Variants in PXDNL observed in about 807,000 individuals in gnomAD.
PXDNL encodes probable oxidoreductase PXDNL.
Under a neutral mutation model 150.8 loss-of-function variants are expected in PXDNL, and 145 were observed. The ratio of observed to expected loss-of-function variants is 0.96; its 90% confidence interval spans 0.84 to 1.10. The LOEUF (loss-of-function observed/expected upper bound fraction) is 1.10. Ranked by LOEUF, PXDNL falls within the 50% of genes least tolerant of loss-of-function variation. PXDNL has a pLI of 0.00. For missense variants in PXDNL, 2,087 were observed against 1,873.9 expected, an observed-to-expected ratio of 1.11 and a Z score of -2.10; for synonymous variants, 757 against 725.7, an observed-to-expected ratio of 1.04 and a Z score of -0.69.
intron 17 of PXDNL, among the ~76,000 whole-genome samples, chr8:51,384,149 G>A (rs1398157577): frequency 3.9e-5 from 6 of 152,138 alleles, no homozygotes; most frequent in Non-Finnish European, 8.8e-5. Context: ...AAATATATTT[G>A]AAACATGTCC....
chr8:51,571,688 G>A (rs771939400), intron 3 of PXDNL, among the ~76,000 whole-genome samples: 1 of 151,862 alleles, frequency 6.6e-6, no homozygotes, highest in Non-Finnish European at 1.5e-5. Context: ...CCAAAAGCAT[G>A]TTAAGCTCAA....
In PXDNL at chr8:51,640,458, T is replaced by C. The variant is rs186230897; in HGVS notation, c.236+14231A>G. ...ATGATTGTATACCTAGAAAACCCCA[T>C]TGTCTCAGCCCAAATTCTCCTTAAG... is the stretch of plus-strand genomic sequence containing the variant. On this transcript the variant is annotated intron_variant, in intron 2 of 22. Coordinates refer to ENST00000356297, the MANE Select transcript of PXDNL (RefSeq NM_144651.5). Among the ~76,000 whole-genome samples, 88 of 152,316 alleles carry C rather than the reference T, an allele frequency of 5.8e-4. 2 individuals carry two copies. Among genetic ancestry groups the C allele is most frequent in the African/African-American group, 2.1e-3 (88 of 41,576 alleles).
At chr8:51,374,547 T>C (rs1482462421) in intron 18 of PXDNL, 50 bp downstream of exon 18, 4 of 1,595,970 alleles carry the variant, frequency 2.5e-6, no homozygotes, top group Non-Finnish European at 2.6e-6. Context: ...ACATTTTGGG[T>C]CAAAAACAAC....
At chr8:51,479,909 AC>A (rs1185533579) in intron 6 of PXDNL, among the ~76,000 whole-genome samples, 1 of 152,154 alleles carries the variant, frequency 6.6e-6, no homozygotes, top group Non-Finnish European at 1.5e-5. Flanking sequence ...CATATCCAAG[AC>A]TTTTGAGGGC....
intron 5 of PXDNL, among the ~76,000 whole-genome samples, chr8:51,490,332 C>G (rs1563435269): frequency 6.6e-6 from 1 of 152,148 alleles, no homozygotes; most frequent in East Asian, 1.9e-4. Flanking sequence ...ATGATATATA[C>G]TTCTAATTGT....
chr8:51,465,517 C>T (rs1037734122), intron 8 of PXDNL, among the ~76,000 whole-genome samples: 3 of 152,134 alleles, frequency 2.0e-5, no homozygotes, highest in African/African-American at 7.2e-5. Flanking sequence ...TCCACTTTCA[C>T]CATTCCTATT....
chr8:51,403,868 C>A (rs1476376858), intron 17 of PXDNL, among the ~76,000 whole-genome samples: 3 of 152,154 alleles, frequency 2.0e-5, no homozygotes, highest in African/African-American at 7.2e-5. Flanking sequence ...AACTTGCGGA[C>A]CCTCACGGTG....
At chr8:51,776,487 A>C (rs1379082059) in intron 1 of PXDNL, among the ~76,000 whole-genome samples, 1 of 152,180 alleles carries the variant, frequency 6.6e-6, no homozygotes, top group Non-Finnish European at 1.5e-5. Context: ...GAAATAGAAA[A>C]GAACCTACGT....
chr8:51,710,038 G>A (rs979265720), intron 1 of PXDNL, among the ~76,000 whole-genome samples: 1 of 152,080 alleles, frequency 6.6e-6, no homozygotes, highest in Non-Finnish European at 1.5e-5. Flanking sequence ...TTTAGCCAGA[G>A]GAGCCAATCA....
chr8:51,504,744 T>C (rs1278370353), intron 4 of PXDNL, among the ~76,000 whole-genome samples: 1 of 152,252 alleles, frequency 6.6e-6, no homozygotes, highest in Non-Finnish European at 1.5e-5. Flanking sequence ...AGATAGTCAG[T>C]ACATAGTTGA....
At chr8:51,399,072 C>A (rs1808171398) in intron 17 of PXDNL, among the ~76,000 whole-genome samples, 1 of 151,998 alleles carries the variant, frequency 6.6e-6, no homozygotes, top group African/African-American at 2.4e-5. Context: ...ATATTTCCAA[C>A]CAGAAGAACA....
intron 1 of PXDNL, among the ~76,000 whole-genome samples, chr8:51,669,681 G>T (rs192838203): frequency 6.6e-6 from 1 of 152,078 alleles, no homozygotes; most frequent in Non-Finnish European, 1.5e-5. Flanking sequence ...ATTAGCCAAG[G>T]ATTAGAAAAT....
chr8:51,555,484 A>C (rs576013835), intron 4 of PXDNL, among the ~76,000 whole-genome samples: 1 of 152,324 alleles, frequency 6.6e-6, no homozygotes, highest in Admixed American at 6.5e-5. Context: ...AATTTAAAAA[A>C]ATTTTTTTGA....
At chr8:51,393,238 A>G (rs1167207008) in intron 17 of PXDNL, among the ~76,000 whole-genome samples, 1 of 152,250 alleles carries the variant, frequency 6.6e-6, no homozygotes, top group Non-Finnish European at 1.5e-5. Flanking sequence ...TCACTTACAC[A>G]TGGCACTCAG....
intron 5 of PXDNL, among the ~76,000 whole-genome samples, chr8:51,488,065 G>A (rs940303981): frequency 2.0e-5 from 3 of 152,014 alleles, no homozygotes; most frequent in African/African-American, 7.2e-5. Flanking sequence ...AAAGTTCCGG[G>A]GAAAAGAATT....
intron 1 of PXDNL, among the ~76,000 whole-genome samples, chr8:51,667,273 G>T (rs1815404674): frequency 6.6e-6 from 1 of 152,176 alleles, no homozygotes; most frequent in Non-Finnish European, 1.5e-5. Flanking sequence ...GCCGCACAGA[G>T]CATGGCCCCA....
intron 6 of PXDNL, among the ~76,000 whole-genome samples, chr8:51,480,256 G>A (rs12679304): frequency 0.49 from 73,862 of 152,052 alleles, 21,182 homozygotes; most frequent in Non-Finnish European, 0.64. Flanking sequence ...ACCTAAGACA[G>A]GGTAATTTAT....
Position 51,411,387 on chromosome 8 carries a change from T to C in PXDNL, c.1925A>G (p.Asp642Gly), listed in dbSNP as rs1331164974. ...CGGGTAATGAAATTGAGCCAGCAGG[T>C]CACTGGAGGTGTGAGGTTTTCTGCA... The part of the protein sequence containing the change: ...LFSQKPHTSS[D>G]LLAQFHYPRD... Residue 642 changes from aspartate (D) to glycine (G), a missense_variant, in exon 16 of 23, where the codon GAC becomes GGC. Physicochemically the swap from Asp to Gly is moderately conservative, Grantham distance 94. Coordinates refer to ENST00000356297, the MANE Select transcript of PXDNL (RefSeq NM_144651.5). 1 of 1,573,042 alleles carries C rather than the reference T, an allele frequency of 6.4e-7. No individual in the cohort carries two copies. Among genetic ancestry groups the C allele is most frequent in the Non-Finnish European group, 8.6e-7 (1 of 1,165,756 alleles).
chr8:51,607,174 T>G lies in PXDNL; in HGVS notation c.237-14476A>C, dbSNP rs145278239. Among the ~76,000 whole-genome samples, 1,454 of 152,342 alleles carry G rather than the reference T, an allele frequency of 9.5e-3. 9 individuals are homozygous for G. The highest frequency in any genetic ancestry group is 0.026 in the South Asian group (124 of 4,818). On this transcript the variant is annotated intron_variant, in intron 2 of 22. Coordinates refer to ENST00000356297, the MANE Select transcript of PXDNL (RefSeq NM_144651.5). ...TCTCAGGCTCCATGATCCCACAGAC[T>G]GATCTGTATAGCAGTGGACATAGGA...
Sources: allele counts gnomAD v4.1 joint callset (sites outside exome capture counted in the v4.1 genomes callset), GRCh38; gene constraint gnomAD v4.1.1; transcripts MANE v1.5; gene names NCBI Gene and HGNC (gene_info 2026-07-23, HGNC 2026-07-21).